TRAPPC12: variants seen among roughly 807,000 people sequenced by gnomAD.
TRAPPC12 encodes trafficking protein particle complex subunit 12, also known as TPR repeat protein 15.
A neutral mutation model predicts 69.2 loss-of-function variants in TRAPPC12; 61 were observed. That is an observed-to-expected ratio of 0.88 (90% CI 0.72 to 1.09). TRAPPC12 has a LOEUF of 1.09. Ranked by LOEUF, TRAPPC12 falls within the 50% of genes least tolerant of loss-of-function variation. The pLI is 0.00. For synonymous variants in TRAPPC12, 469 were observed against 438.9 expected (o/e 1.07, Z -0.86); for missense variants, 1,101 against 1,016.4 (o/e 1.08, Z -1.13).
At chr2:3,443,590 C>T in intron 5 of TRAPPC12, 189 bp from the exon 6 acceptor site, 2 of 623,380 alleles carry the variant, frequency 3.2e-6, no homozygotes, top group South Asian at 1.9e-5. Flanking sequence ...TCGAGACATA[C>T]ATACATAGAG....
chr2:3,404,502 A>G (rs139903156), intron 3 of TRAPPC12, among the ~76,000 whole-genome samples: 2 of 152,272 alleles, frequency 1.3e-5, no homozygotes, highest in Middle Eastern at 3.4e-3. Context: ...AGTACCGAAC[A>G]TTGGCAAAGC....
At chr2:3,425,955 G>A (rs1011992840) in intron 5 of TRAPPC12, among the ~76,000 whole-genome samples, 9 of 152,160 alleles carry the variant, frequency 5.9e-5, no homozygotes, top group African/African-American at 2.2e-4. Context: ...TTAAAACTCA[G>A]CTCTGTTTCT....
At chr2:3,464,909 G>A (rs868077631) in intron 8 of TRAPPC12, among the ~76,000 whole-genome samples, 2 of 152,236 alleles carry the variant, frequency 1.3e-5, no homozygotes, top group South Asian at 4.1e-4. Context: ...ACCACAGGCA[G>A]GGCAGAGCGA....
intron 2 of TRAPPC12, among the ~76,000 whole-genome samples, chr2:3,396,045 A>G (rs1324207104): frequency 6.6e-6 from 1 of 152,132 alleles, no homozygotes. Flanking sequence ...TTGTATTTTT[A>G]GTAGAGACAG....
chr2:3,381,814 C>G (rs1386684567), intron 1 of TRAPPC12, among the ~76,000 whole-genome samples: 1 of 152,220 alleles, frequency 6.6e-6, no homozygotes. Context: ...CCACCCCTCC[C>G]TCACTAAAGT....
Position 3,388,058 on chromosome 2 carries a change from G to A in TRAPPC12, c.435G>A (p.Ala145=). 1 of 1,510,992 alleles carries A rather than the reference G, an allele frequency of 6.6e-7. No individual in the cohort carries two copies. Among genetic ancestry groups the A allele is most frequent in the Non-Finnish European group, 8.8e-7 (1 of 1,134,724 alleles). 93.6% of individuals were successfully genotyped at this position (1,510,992 alleles called of 1,614,324 possible). A position where few individuals can be genotyped will look rare whatever the true frequency, so the allele number is the denominator to read the frequency against. ...AAREVPGSEA[A]RPEQEPPVAE... is the part of the protein sequence containing the mutation. ...GCGAGGTCCCAGGCAGCGAAGCCGCGCGCCCGGAGCAGGAGCCTCCCGTTG... is the reference window on the plus strand; with the variant it reads ...GCGAGGTCCCAGGCAGCGAAGCCGCACGCCCGGAGCAGGAGCCTCCCGTTG... The change falls in exon 2 of 12, where the codon GCG becomes GCA. Residue 145 remains alanine, a synonymous_variant. Coordinates refer to ENST00000324266, the MANE Select transcript of TRAPPC12 (RefSeq NM_016030.6).
intron 6 of TRAPPC12, among the ~76,000 whole-genome samples, chr2:3,453,050 G>T (rs745429303): frequency 6.6e-6 from 1 of 152,208 alleles, no homozygotes; most frequent in Admixed American, 6.5e-5. Context: ...TTGAACCCAC[G>T]TCTTCTGGCA....
At chr2:3,415,671 T>A (rs1168183038) in intron 3 of TRAPPC12, among the ~76,000 whole-genome samples, 1 of 151,074 alleles carries the variant, frequency 6.6e-6, no homozygotes, top group Non-Finnish European at 1.5e-5. Context: ...CCCACAGTGC[T>A]GGGGTTACAG....
chr2:3,412,517 C>T (rs1368293547), intron 3 of TRAPPC12, among the ~76,000 whole-genome samples: 3 of 152,108 alleles, frequency 2.0e-5, no homozygotes, highest in Admixed American at 6.5e-5. Flanking sequence ...GCCAAGATCG[C>T]GCCACCGCAC....
intron 7 of TRAPPC12, 199 bp from the exon 8 acceptor site, chr2:3,460,064 C>T: frequency 1.6e-6 from 1 of 644,368 alleles, no homozygotes; most frequent in Non-Finnish European, 2.8e-6. Flanking sequence ...TTCCCAAAGC[C>T]ACCTCTGGTC....
intron 5 of TRAPPC12, among the ~76,000 whole-genome samples, chr2:3,431,200 A>G (rs566453972): frequency 6.6e-6 from 1 of 152,346 alleles, no homozygotes; most frequent in African/African-American, 2.4e-5. Context: ...GCCGTCTTCC[A>G]TCGAGTACAG....
At chr2:3,463,711 G>C (rs532200691) in intron 8 of TRAPPC12, among the ~76,000 whole-genome samples, 1 of 151,906 alleles carries the variant, frequency 6.6e-6, no homozygotes, top group African/African-American at 2.4e-5. Flanking sequence ...TGTGGTGGCC[G>C]CCTCAGCCTG....
At chr2:3,400,142 C>A (rs1661358309) in intron 2 of TRAPPC12, among the ~76,000 whole-genome samples, 1 of 152,236 alleles carries the variant, frequency 6.6e-6, no homozygotes, top group Admixed American at 6.5e-5. Context: ...GAGCACGTGT[C>A]AGGGAAGATC....
chr2:3,409,749 TTAAAAAAAAAAAA>T (rs1258339175), intron 3 of TRAPPC12, among the ~76,000 whole-genome samples: 7 of 88,728 alleles, frequency 7.9e-5, no homozygotes, highest in East Asian at 6.0e-4. Flanking sequence ...GACTTTGTCT[TTAAAAAAAAAAAA>T]AAAAAAAAAA....
At chr2:3,432,911 C>T (rs1056041613) in intron 5 of TRAPPC12, among the ~76,000 whole-genome samples, 10 of 152,200 alleles carry the variant, frequency 6.6e-5, no homozygotes, top group African/African-American at 1.9e-4. Context: ...CTGTGGCAGA[C>T]GCGTACAGAG....
intron 5 of TRAPPC12, among the ~76,000 whole-genome samples, chr2:3,427,409 C>T (rs760428423): frequency 1.5e-4 from 23 of 152,316 alleles, no homozygotes; most frequent in African/African-American, 4.1e-4. Flanking sequence ...AGGCCTTAAT[C>T]GAAACCACCA....
intron 2 of TRAPPC12, 115 bp downstream of exon 2, chr2:3,388,785 A>T (rs1433313397): frequency 9.2e-7 from 1 of 1,081,440 alleles, no homozygotes; most frequent in Non-Finnish European, 1.3e-6. Flanking sequence ...GTAATTCCTA[A>T]CATCCCATTG....
chr2:3,406,631 A>G (rs1661748545), intron 3 of TRAPPC12, among the ~76,000 whole-genome samples: 1 of 152,232 alleles, frequency 6.6e-6, no homozygotes, highest in African/African-American at 2.4e-5. Flanking sequence ...TAATGCAGTT[A>G]CGGATCTCCA....
chr2:3,420,038 C>T (rs1054540838), intron 3 of TRAPPC12, among the ~76,000 whole-genome samples: 1 of 152,148 alleles, frequency 6.6e-6, no homozygotes, highest in Non-Finnish European at 1.5e-5. Context: ...CCAGTTATGC[C>T]GAATGCTTAT....
Sources: gnomAD v4.1 joint callset for allele counts (sites outside exome capture counted in the v4.1 genomes callset) on GRCh38, gnomAD v4.1.1 for gene constraint, MANE v1.5 for transcripts, NCBI Gene and HGNC (gene_info 2026-07-23, HGNC 2026-07-21) for gene names.